Variants in RPS6KC1 observed in about 807,000 individuals in gnomAD.
RPS6KC1 encodes inactive ribosomal protein S6 kinase delta-1.
In RPS6KC1, 54 loss-of-function variants were observed where a neutral mutation model predicts 103.8. The ratio of observed to expected loss-of-function variants is 0.52; its 90% CI spans 0.42 to 0.65. The LOEUF is 0.65. Ranked by LOEUF, RPS6KC1 falls within the 30% of genes least tolerant of loss-of-function variation. RPS6KC1 has a pLI of 0.00. For synonymous variants in RPS6KC1, 439 were observed against 438.7 expected, an observed-to-expected ratio of 1.00 and a Z score of -0.01; for missense variants, 1,151 against 1,253.8, an observed-to-expected ratio of 0.92 and a Z score of 1.24.
the RPS6KC1 span, among the ~76,000 whole-genome samples, chr1:213,753,984 G>A: frequency 6.6e-6 from 1 of 152,102 alleles, no homozygotes. Flanking sequence ...CTGGGAGGGC[G>A]GAGAACACCG....
the RPS6KC1 span, among the ~76,000 whole-genome samples, chr1:213,432,226 C>T: frequency 1.3e-5 from 2 of 152,122 alleles, no homozygotes; most frequent in African/African-American, 2.4e-5. Flanking sequence ...AATATCTTTC[C>T]CCATTCCGTG....
chr1:213,407,212 ACG>A, the RPS6KC1 span, among the ~76,000 whole-genome samples: 19,893 of 58,372 alleles, frequency 0.34, 1,743 homozygotes, highest in African/African-American at 0.51. Flanking sequence ...TATTACATGC[ACG>A]CGCGCACACA....
chr1:213,782,760 A>G, the RPS6KC1 span, among the ~76,000 whole-genome samples: 8 of 152,154 alleles, frequency 5.3e-5, no homozygotes, highest in Non-Finnish European at 1.2e-4. Context: ...ATTTTGCTAT[A>G]ATCATTTTTC....
At chr1:213,589,940 T>TG in the RPS6KC1 span, among the ~76,000 whole-genome samples, 8 of 58,218 alleles carry the variant, frequency 1.4e-4, no homozygotes, top group South Asian at 4.3e-4. Context: ...AAGGTAGTGG[T>TG]GTGTGTGTGT....
chr1:213,786,807 A>G, the RPS6KC1 span, among the ~76,000 whole-genome samples: 1 of 152,166 alleles, frequency 6.6e-6, no homozygotes, highest in Non-Finnish European at 1.5e-5. Context: ...TATCTCCCCA[A>G]ATCTTCTTCC....
At chr1:213,689,311 A>T in the RPS6KC1 span, among the ~76,000 whole-genome samples, 1 of 152,138 alleles carries the variant, frequency 6.6e-6, no homozygotes, top group Non-Finnish European at 1.5e-5. Context: ...CAGCTTCGGT[A>T]CTTCCAAAGC....
the RPS6KC1 span, among the ~76,000 whole-genome samples, chr1:213,297,611 T>C: frequency 1.3e-5 from 2 of 152,052 alleles, no homozygotes; most frequent in African/African-American, 4.8e-5. Context: ...TAACTATATG[T>C]GGTTTGGGTT....
the RPS6KC1 span, among the ~76,000 whole-genome samples, chr1:213,341,910 A>G: frequency 6.6e-6 from 1 of 152,170 alleles, no homozygotes. Context: ...GGGCTGTGGT[A>G]TTATGTGAGA....
the RPS6KC1 span, among the ~76,000 whole-genome samples, chr1:213,321,655 A>G: frequency 0.028 from 4,274 of 152,322 alleles, 208 homozygotes; most frequent in African/African-American, 0.098. Context: ...TCCTGGTCCT[A>G]ATGAAGTATA....
At chr1:213,585,351 C>T in the RPS6KC1 span, among the ~76,000 whole-genome samples, 2 of 152,164 alleles carry the variant, frequency 1.3e-5, no homozygotes, top group Non-Finnish European at 2.9e-5. Context: ...AGCCTTTCTC[C>T]CCCTGAGAAA....
At position 213,153,303 on chromosome 1, in the gene RPS6KC1, AGGCAGG is replaced by A. The variant is rs879621634; in HGVS notation, c.836-14525_836-14520del. Among the ~76,000 whole-genome samples, 677 of 142,998 alleles carry A rather than the reference AGGCAGG, an allele frequency of 4.7e-3. 5 individuals carry two copies. Among genetic ancestry groups the A allele is most frequent in the African/African-American group, 0.014 (531 of 38,684 alleles). 93.8% of individuals were successfully genotyped at this position (142,998 alleles called of 152,430 possible). ...AAGGCAGGCGCAGAGGCAGGCACAGAGGCAGGGGCAGGGGCAGGGGCAGGGGCAGGG... is the reference window on the plus strand; with the variant it reads ...AAGGCAGGCGCAGAGGCAGGCACAGAGGCAGGGGCAGGGGCAGGGGCAGGG... On this transcript the variant is annotated intron_variant, in intron 6 of 14. Coordinates refer to ENST00000366960, the MANE Select transcript of RPS6KC1 (RefSeq NM_012424.6).
chr1:213,386,686 G>A, the RPS6KC1 span, among the ~76,000 whole-genome samples: 6 of 152,108 alleles, frequency 3.9e-5, no homozygotes, highest in Admixed American at 1.3e-4. Context: ...TAGGGATTTC[G>A]GATGCAGCAA....
At chr1:213,127,736 C>G (rs1558374793) in intron 5 of RPS6KC1, among the ~76,000 whole-genome samples, 1 of 152,158 alleles carries the variant, frequency 6.6e-6, no homozygotes, top group Non-Finnish European at 1.5e-5. Context: ...CTGTCTGCCA[C>G]TTTGGGTTTG....
the RPS6KC1 span, among the ~76,000 whole-genome samples, chr1:213,668,402 A>ACCACCG: frequency 4.6e-5 from 4 of 86,286 alleles, no homozygotes; most frequent in South Asian, 1.6e-3. Flanking sequence ...CCCCCGCCGC[A>ACCACCG]CCACCCCCAC....
downstream of RPS6KC1, among the ~76,000 whole-genome samples, chr1:213,278,951 T>G (rs893331252): frequency 6.6e-6 from 1 of 152,030 alleles, no homozygotes; most frequent in Non-Finnish European, 1.5e-5. Flanking sequence ...AAGACTGTTG[T>G]GTATAAAGGC....
intron 5 of RPS6KC1, among the ~76,000 whole-genome samples, chr1:213,119,566 A>G (rs1409469665): frequency 6.7e-6 from 1 of 149,342 alleles, no homozygotes; most frequent in Non-Finnish European, 1.5e-5. Flanking sequence ...TTTTTTTGAT[A>G]CAAGAATCAA....
At chr1:213,854,348 C>T in the RPS6KC1 span, among the ~76,000 whole-genome samples, 7 of 152,176 alleles carry the variant, frequency 4.6e-5, no homozygotes, top group African/African-American at 1.7e-4. Flanking sequence ...ACAAATATCA[C>T]CAAAATGTTC....
chr1:213,775,136 CA>C, the RPS6KC1 span, among the ~76,000 whole-genome samples: 6 of 152,188 alleles, frequency 3.9e-5, no homozygotes, highest in Non-Finnish European at 7.4e-5. Context: ...ATGAAAAGGG[CA>C]GTTTCTAATC....
the RPS6KC1 span, among the ~76,000 whole-genome samples, chr1:213,429,231 A>G: frequency 6.8e-4 from 103 of 152,032 alleles, 1 homozygote; most frequent in South Asian, 0.02. Flanking sequence ...GCTCACTGCA[A>G]CCTCTGCCTC....
Sources: gnomAD v4.1 joint callset for allele counts (sites outside exome capture counted in the v4.1 genomes callset) on GRCh38, gnomAD v4.1.1 for gene constraint, MANE v1.5 for transcripts, NCBI Gene and HGNC (gene_info 2026-07-23, HGNC 2026-07-21) for gene names.